Variants in GRID1 observed in about 807,000 individuals in gnomAD.
GRID1 encodes the protein glutamate ionotropic receptor delta type subunit 1.
Under a neutral mutation model 98.0 loss-of-function variants are expected in GRID1, and 28 were observed. The observed-to-expected ratio is 0.29, with a 90% confidence interval of 0.21 to 0.39. GRID1 has a LOEUF of 0.39. Ranked by LOEUF, GRID1 falls within the 10% of genes least tolerant of loss-of-function variation. GRID1 has a pLI of 1.00. For missense variants in GRID1, 1,111 were observed against 1,340.5 expected, an observed-to-expected ratio of 0.83 and a Z score of 2.67; for synonymous variants, 553 against 538.5, an observed-to-expected ratio of 1.03 and a Z score of -0.37.
intron 3 of GRID1, among the ~76,000 whole-genome samples, chr10:86,146,561 G>A (rs79739552): frequency 0.028 from 4,336 of 152,198 alleles, 109 homozygotes; most frequent in Non-Finnish European, 0.038. Flanking sequence ...CCCTCTGCCC[G>A]CTGGAATCCA....
rs959251334 is a variant in GRID1 at position 86,040,697 on chromosome 10, G to A, written c.726+98122C>T. On this transcript the variant is annotated intron_variant, in intron 4 of 15. Transcript: ENST00000327946. ...TCCATTGCAAAGTAGGGTGACTATA[G>A]CTAACAATAGTGTATTGTATATTTC... 4.6e-5 allele frequency among the ~76,000 whole-genome samples: 7 copies of A among 152,176 alleles called. No homozygotes were observed. The South Asian group carries it at 1.5e-3, about 32-fold the overall frequency.
rs186789919 is a variant in GRID1, at chr10:85,839,346, A to G, written c.1233+15150T>C. ...AAAACAACAGAATAAACATCTTCTC[A>G]TTGCCACATGGCACATATTTTACAA... On this transcript the variant is annotated intron_variant, in intron 8 of 15. Transcript: ENST00000327946. Among the ~76,000 whole-genome samples the G allele has an allele frequency of 4.8e-4, 73 of 152,344 alleles. 1 individual carries two copies. Among genetic ancestry groups the G allele is most frequent in the Admixed American group, 2.7e-3 (42 of 15,298 alleles).
chr10:85,931,052 CT>C (rs1202751242), intron 4 of GRID1, among the ~76,000 whole-genome samples: 1 of 152,134 alleles, frequency 6.6e-6, no homozygotes, highest in Non-Finnish European at 1.5e-5. Flanking sequence ...GTTGCCCAGG[CT>C]GGTCTCAAAC....
intron 12 of GRID1, among the ~76,000 whole-genome samples, chr10:85,719,660 TC>T (rs1841678325): frequency 6.6e-6 from 1 of 151,968 alleles, no homozygotes. Flanking sequence ...CCTGGGTCCC[TC>T]CCACAACACG....
intron 2 of GRID1, among the ~76,000 whole-genome samples, chr10:86,228,484 C>A (rs1198150023): frequency 1.3e-5 from 2 of 152,198 alleles, no homozygotes; most frequent in Non-Finnish European, 1.5e-5. Flanking sequence ...AGCCTGCAGC[C>A]GCTGCCTTCC....
chr10:85,724,837 C>G (rs1325994366), intron 10 of GRID1, among the ~76,000 whole-genome samples, 161 bp from the exon 11 acceptor site: 2 of 152,210 alleles, frequency 1.3e-5, no homozygotes, highest in African/African-American at 4.8e-5. Context: ...GAAAATCCAA[C>G]ACTAAGTTGT....
intron 4 of GRID1, among the ~76,000 whole-genome samples, chr10:85,957,937 C>T (rs1200549729): frequency 1.3e-5 from 2 of 152,194 alleles, no homozygotes; most frequent in African/African-American, 2.4e-5. Flanking sequence ...CAAGTAAGGA[C>T]CTTCCCCAAA....
chr10:85,915,737 G>C (rs117628034), intron 5 of GRID1, among the ~76,000 whole-genome samples: 1 of 151,612 alleles, frequency 6.6e-6, no homozygotes, highest in Non-Finnish European at 1.5e-5. Flanking sequence ...TCACACTCTC[G>C]CACGCATGTG....
chr10:85,969,874 A>G (rs1589318318), intron 4 of GRID1, among the ~76,000 whole-genome samples: 1 of 152,140 alleles, frequency 6.6e-6, no homozygotes, highest in South Asian at 2.1e-4. Context: ...TAGAGCATAG[A>G]AAAATAATAG....
intron 2 of GRID1, among the ~76,000 whole-genome samples, chr10:86,236,263 C>T (rs1482073192): frequency 1.3e-5 from 2 of 152,232 alleles, no homozygotes; most frequent in Non-Finnish European, 2.9e-5. Flanking sequence ...TTGGAAGACT[C>T]ATTTATATGT....
chr10:86,105,870 G>T (rs1031468754), intron 4 of GRID1, among the ~76,000 whole-genome samples: 24 of 152,222 alleles, frequency 1.6e-4, no homozygotes, highest in African/African-American at 5.5e-4. Flanking sequence ...CAGGAATGCT[G>T]CCCTGAGGAG....
At chr10:85,896,302 G>A (rs73344629) in intron 5 of GRID1, among the ~76,000 whole-genome samples, 3,404 of 152,168 alleles carry the variant, frequency 0.022, 132 homozygotes, top group African/African-American at 0.076. Context: ...GGCTTGATGC[G>A]GAAATTTTGA....
intron 12 of GRID1, among the ~76,000 whole-genome samples, chr10:85,648,852 C>T (rs146250379): frequency 5.3e-5 from 8 of 152,270 alleles, no homozygotes; most frequent in African/African-American, 7.2e-5. Context: ...ATGAGCTCAC[C>T]GGGACTTCAG....
intron 8 of GRID1, among the ~76,000 whole-genome samples, chr10:85,779,522 T>C (rs1240185346): frequency 6.6e-6 from 1 of 151,970 alleles, no homozygotes; most frequent in East Asian, 1.9e-4. Flanking sequence ...CAGGTAACGA[T>C]AGACTCCTTT....
chr10:86,245,932 C>A (rs1298563801), intron 2 of GRID1, among the ~76,000 whole-genome samples: 8 of 152,246 alleles, frequency 5.3e-5, no homozygotes, highest in Non-Finnish European at 1.0e-4. Flanking sequence ...CAGCAGCCAG[C>A]CTCCCTGAGG....
intron 4 of GRID1, among the ~76,000 whole-genome samples, chr10:85,966,591 A>G (rs750044354): frequency 4.1e-4 from 62 of 152,268 alleles, no homozygotes; most frequent in African/African-American, 1.5e-3. Context: ...AGGTGGGTGG[A>G]TCACCTGAGG....
intron 2 of GRID1, among the ~76,000 whole-genome samples, chr10:86,262,731 C>T (rs1019455972): frequency 1.3e-5 from 2 of 152,156 alleles, no homozygotes; most frequent in Admixed American, 6.5e-5. Context: ...GGACACAAAA[C>T]GCAAAGCCCT....
intron 8 of GRID1, among the ~76,000 whole-genome samples, chr10:85,791,202 G>GC (rs1233862796): frequency 1.3e-5 from 2 of 152,110 alleles, no homozygotes; most frequent in African/African-American, 4.8e-5. Context: ...GTCCAGGTTG[G>GC]CCCCCAAATC....
At chr10:85,621,227 C>A (rs1292432798) in intron 13 of GRID1, among the ~76,000 whole-genome samples, 8 of 152,162 alleles carry the variant, frequency 5.3e-5, no homozygotes, top group Admixed American at 3.3e-4. Context: ...TTTGCCGCTT[C>A]TTTCCTTTTT....
Sources: allele counts gnomAD v4.1 joint callset (sites outside exome capture counted in the v4.1 genomes callset), GRCh38; gene constraint gnomAD v4.1.1; transcripts MANE v1.5; gene names NCBI Gene and HGNC (gene_info 2026-07-23, HGNC 2026-07-21).